Variants in ZNF462 observed in about 807,000 individuals in gnomAD.
ZNF462 encodes the protein zinc finger PBX1-interacting protein.
Under a neutral mutation model 201.9 loss-of-function variants are expected in ZNF462, and 10 were observed. The ratio of observed to expected loss-of-function variants is 0.05; its 90% CI spans 0.03 to 0.08. The LOEUF (loss-of-function observed/expected upper bound fraction) is 0.08, where lower values mean the gene tolerates loss of function less well. ZNF462 is among the 10% of genes least tolerant of loss of function. The probability of loss-of-function intolerance (pLI) is 1.00; values close to 1 mark genes in which losing one functional copy is unlikely to be tolerated. For missense variants in ZNF462, 2,523 were observed against 3,168.3 expected, an observed-to-expected ratio of 0.80 and a Z score of 4.89; for synonymous variants, 1,227 against 1,193.3, an observed-to-expected ratio of 1.03 and a Z score of -0.58.
chr9:106,990,930 A>G (rs1828225941), intron 10 of ZNF462, among the ~76,000 whole-genome samples: 1 of 152,054 alleles, frequency 6.6e-6, no homozygotes, highest in Admixed American at 6.6e-5. Context: ...TGTGCTGGCT[A>G]AAAATGGTCA....
At chr9:106,879,350 C>G (rs1035156594) in intron 1 of ZNF462, among the ~76,000 whole-genome samples, 1 of 131,604 alleles carries the variant, frequency 7.6e-6, no homozygotes, top group Non-Finnish European at 1.6e-5. Context: ...CCCCACCCCC[C>G]ACCTTGTCTC....
rs1224019076 is a variant in ZNF462, at chr9:107,003,469, A to G, written c.7189+43A>G. 1.2e-6 allele frequency: 2 copies of G among 1,608,198 alleles called. No homozygotes were observed. Among genetic ancestry groups the G allele is most frequent in the South Asian group, 1.1e-5 (1 of 90,182 alleles). ...CTCCCAATCCCAGATGGCATCTGGC[A>G]TGTCCGTAGTGAGACAGAAGGGAGG... is the stretch of plus-strand genomic sequence containing the variant. On this transcript the variant is annotated intron_variant, in intron 11 of 12. Coordinates refer to ENST00000277225, the MANE Select transcript of ZNF462 (RefSeq NM_021224.6). This position sits in a 1 kb window ranked among gnomAD's most constrained non-coding sequence, Gnocchi z 4.4.
intron 10 of ZNF462, among the ~76,000 whole-genome samples, chr9:106,988,841 C>T (rs1331396437): frequency 3.3e-5 from 5 of 151,906 alleles, no homozygotes; most frequent in South Asian, 2.1e-4. Context: ...CTCCACTGGT[C>T]GCTGTTGATG....
In ZNF462 at chr9:106,963,874, C is replaced by A. The variant is rs1831951687; in HGVS notation, c.6428-8131C>A. 6.6e-6 allele frequency among the ~76,000 whole-genome samples: 1 copy of A among 152,034 alleles called. No individual in the cohort carries two copies. The highest frequency in any genetic ancestry group is 1.5e-5 in the Non-Finnish European group (1 of 67,972). ...TCTACCCACAGCCCCTGGCAACCACCATTCTACTGTCTGTCTGTATGGGTT... is the reference window on the plus strand; with the variant it reads ...TCTACCCACAGCCCCTGGCAACCACAATTCTACTGTCTGTCTGTATGGGTT... On this transcript the variant is annotated intron_variant, in intron 7 of 12. Transcript: ENST00000277225. The surrounding 1 kb of genome is among the most constrained non-coding windows in gnomAD (Gnocchi z 4.7).
At chr9:106,961,744 A>G (rs981594537) in intron 7 of ZNF462, among the ~76,000 whole-genome samples, 14 of 152,002 alleles carry the variant, frequency 9.2e-5, no homozygotes, top group Admixed American at 8.5e-4. Context: ...TTAATACAGC[A>G]TGATATGTAG....
intron 1 of ZNF462, among the ~76,000 whole-genome samples, chr9:106,864,648 G>A (rs1311469148): frequency 1.3e-5 from 2 of 152,056 alleles, no homozygotes; most frequent in Non-Finnish European, 2.9e-5. Flanking sequence ...AGGGAGGGAG[G>A]GAGGCTGCCT....
At chr9:106,971,892 T>C (rs1826636419) in intron 7 of ZNF462, 113 bp from the exon 8 acceptor site, 1 of 1,336,006 alleles carries the variant, frequency 7.5e-7, no homozygotes, top group Admixed American at 2.3e-5. Context: ...CGTTTGTCAA[T>C]TATACCTTAG....
intron 1 of ZNF462, among the ~76,000 whole-genome samples, chr9:106,892,413 A>C (rs1193332695): frequency 6.6e-6 from 1 of 152,190 alleles, no homozygotes; most frequent in Non-Finnish European, 1.5e-5. Flanking sequence ...CACAACCTGC[A>C]CATCCCCATG....
chr9:106,928,961 C>T lies in ZNF462; in HGVS notation c.5049C>T (p.His1683=). Residue 1683 remains histidine (H), a synonymous_variant, in exon 3 of 13, where the codon CAC becomes CAT. Coordinates refer to ENST00000277225, the MANE Select transcript of ZNF462 (RefSeq NM_021224.6). The surrounding 1 kb of genome is among the most constrained non-coding windows in gnomAD (Gnocchi z 9.3). The part of the protein sequence containing the change: ...KGIARHYRIK[H]NNVRAQPEGK... ...TCGCCAGGCACTACCGCATCAAGCACAATAATGTCCGAGCCCAGCCAGAAG... is the reference window on the plus strand; with the variant it reads ...TCGCCAGGCACTACCGCATCAAGCATAATAATGTCCGAGCCCAGCCAGAAG... 2 of 1,614,158 alleles carry T rather than the reference C, an allele frequency of 1.2e-6. No individual in the cohort carries two copies. The highest frequency in any genetic ancestry group is 1.7e-6 in the Non-Finnish European group (2 of 1,180,042).
At chr9:106,948,661 G>GT (rs111870565) in intron 7 of ZNF462, among the ~76,000 whole-genome samples, 6,719 of 144,306 alleles carry the variant, frequency 0.047, 496 homozygotes, top group African/African-American at 0.15. Flanking sequence ...ATTTAGTTTA[G>GT]TTTTTTTTTT....
rs1467944759 is a variant in ZNF462 at position 106,883,489 on chromosome 9, A to G, written c.-31+20134A>G. On this transcript the variant is annotated intron_variant, in intron 1 of 12. Coordinates refer to ENST00000277225, the MANE Select transcript of ZNF462 (RefSeq NM_021224.6). This position sits in a 1 kb window ranked among gnomAD's most constrained non-coding sequence, Gnocchi z 4.9. ...CTCACATTTTATCCCAGTTCATTCT[A>G]AGGAGTTGCATTTTCCCCAGAATAC... Among the ~76,000 whole-genome samples, 1 of 152,160 alleles carries G rather than the reference A, an allele frequency of 6.6e-6. No individual in the cohort carries two copies. Among genetic ancestry groups the G allele is most frequent in the Non-Finnish European group, 1.5e-5 (1 of 68,044 alleles).
At chr9:106,916,568 C>T (rs1436126397) in intron 1 of ZNF462, among the ~76,000 whole-genome samples, 1 of 152,134 alleles carries the variant, frequency 6.6e-6, no homozygotes. Flanking sequence ...AGGTTTAGCT[C>T]TGGGGGGGGA....
chr9:106,901,011 T>A (rs1247707348), intron 1 of ZNF462, among the ~76,000 whole-genome samples: 2 of 152,222 alleles, frequency 1.3e-5, no homozygotes, highest in Non-Finnish European at 2.9e-5. Context: ...AAAATTTTTA[T>A]AGTTTCAGGT....
chr9:106,953,230 A>G (rs932363396), intron 7 of ZNF462, among the ~76,000 whole-genome samples: 1 of 152,210 alleles, frequency 6.6e-6, no homozygotes, highest in African/African-American at 2.4e-5. Flanking sequence ...AACCACTTTC[A>G]TGAAGTGATC....
At chr9:106,999,011 G>A (rs1828959912) in intron 10 of ZNF462, among the ~76,000 whole-genome samples, 1 of 152,072 alleles carries the variant, frequency 6.6e-6, no homozygotes, top group Non-Finnish European at 1.5e-5. Flanking sequence ...AGCTTTCACA[G>A]GAATAAAGAT....
intron 1 of ZNF462, among the ~76,000 whole-genome samples, chr9:106,910,318 G>T (rs60896348): frequency 0.11 from 13,244 of 123,560 alleles, 1,367 homozygotes; most frequent in African/African-American, 0.29. Context: ...TTCATGGGTC[G>T]TTTCCATGCT....
At chr9:106,911,274 G>A (rs930158050) in intron 1 of ZNF462, among the ~76,000 whole-genome samples, 23 of 152,216 alleles carry the variant, frequency 1.5e-4, no homozygotes, top group African/African-American at 5.1e-4. Flanking sequence ...TTTGCAAACA[G>A]TAGTTGTCTC....
chr9:106,964,166 G>C (rs1831969537), intron 7 of ZNF462, among the ~76,000 whole-genome samples: 1 of 151,794 alleles, frequency 6.6e-6, no homozygotes, highest in African/African-American at 2.4e-5. Context: ...CTTAATTTCA[G>C]TTCTTTTGGA....
At chr9:106,893,206 A>G (rs1828666436) in intron 1 of ZNF462, among the ~76,000 whole-genome samples, 1 of 152,194 alleles carries the variant, frequency 6.6e-6, no homozygotes. Context: ...AGGTCAAGCA[A>G]CTTCCCCAAA....
Sources: gnomAD v4.1 joint callset for allele counts (sites outside exome capture counted in the v4.1 genomes callset) on GRCh38, gnomAD v4.1.1 for gene constraint, Gnocchi (gnomAD v3.1) non-coding constraint, MANE v1.5 for transcripts, NCBI Gene and HGNC (gene_info 2026-07-23, HGNC 2026-07-21) for gene names.